The following GALNT13 variants were observed in gnomAD, a reference collection of about 807,000 sequenced individuals.
GALNT13 encodes the protein UDP-GalNAc:polypeptide N-acetylgalactosaminyltransferase 13.
A neutral mutation model predicts 64.2 loss-of-function variants in GALNT13; 28 were observed. The ratio of observed to expected loss-of-function variants is 0.44; its 90% confidence interval spans 0.32 to 0.60. GALNT13 has a LOEUF of 0.60. Ranked by LOEUF, GALNT13 falls within the 20% of genes least tolerant of loss-of-function variation. The pLI is 0.05. For missense variants in GALNT13, 577 were observed against 669.8 expected, an observed-to-expected ratio of 0.86 and a Z score of 1.53; for synonymous variants, 214 against 224.6, an observed-to-expected ratio of 0.95 and a Z score of 0.42.
intron 3 of GALNT13, among the ~76,000 whole-genome samples, chr2:154,075,662 ATTAAAATGTACC>A (rs1468592723): frequency 6.6e-6 from 1 of 151,848 alleles, no homozygotes; most frequent in Non-Finnish European, 1.5e-5. Flanking sequence ...AACTAGAACT[ATTAAAATGTACC>A]TCTAGATTGT....
At chr2:154,068,018 A>G (rs1199317884) in intron 3 of GALNT13, among the ~76,000 whole-genome samples, 1 of 152,088 alleles carries the variant, frequency 6.6e-6, no homozygotes, top group African/African-American at 2.4e-5. Flanking sequence ...TACATAGGAA[A>G]AAATCTAATA....
chr2:153,452,660 G>A, the GALNT13 span, among the ~76,000 whole-genome samples: 2 of 151,618 alleles, frequency 1.3e-5, no homozygotes, highest in African/African-American at 4.9e-5. Flanking sequence ...CCATGCCCAT[G>A]GATTGCAAGA....
the GALNT13 span, among the ~76,000 whole-genome samples, chr2:153,542,357 C>CA: frequency 2.1e-4 from 13 of 62,202 alleles, no homozygotes; most frequent in East Asian, 5.7e-4. Flanking sequence ...CACACACACA[C>CA]ACAAAAAAAA....
At chr2:154,307,718 C>T (rs544056754) in intron 9 of GALNT13, among the ~76,000 whole-genome samples, 28 of 152,186 alleles carry the variant, frequency 1.8e-4, no homozygotes, top group Admixed American at 8.5e-4. Context: ...GCCCTGTAGG[C>T]TGTTAAAGCC....
chr2:153,952,893 C>G (rs1372444507), intron 3 of GALNT13, among the ~76,000 whole-genome samples: 2 of 152,100 alleles, frequency 1.3e-5, no homozygotes, highest in Admixed American at 6.6e-5. Flanking sequence ...GTTCAATGTT[C>G]GAGGGCAGGG....
the GALNT13 span, among the ~76,000 whole-genome samples, chr2:153,248,274 G>A: frequency 6.6e-6 from 1 of 152,054 alleles, no homozygotes; most frequent in African/African-American, 2.4e-5. Context: ...GAAAATTTTA[G>A]GCCAACATCC....
chr2:153,262,988 A>G, the GALNT13 span, among the ~76,000 whole-genome samples: 1 of 152,118 alleles, frequency 6.6e-6, no homozygotes, highest in Non-Finnish European at 1.5e-5. Flanking sequence ...TGGTACTCAA[A>G]TAGGAAGAGA....
the GALNT13 span, among the ~76,000 whole-genome samples, chr2:153,430,927 G>A: frequency 1.1e-4 from 16 of 151,842 alleles, no homozygotes; most frequent in South Asian, 2.1e-4. Context: ...TGAGGTGGGC[G>A]GATCACAAGG....
the GALNT13 span, among the ~76,000 whole-genome samples, chr2:153,337,945 T>C: frequency 6.6e-6 from 1 of 152,236 alleles, no homozygotes; most frequent in African/African-American, 2.4e-5. Context: ...CTGACCATTA[T>C]AAAGTACTTA....
chr2:154,294,979 C>T (rs1484740613), intron 8 of GALNT13, among the ~76,000 whole-genome samples: 2 of 152,110 alleles, frequency 1.3e-5, no homozygotes, highest in African/African-American at 4.8e-5. Context: ...CAGTTGCCAA[C>T]TTGACATATT....
the GALNT13 span, among the ~76,000 whole-genome samples, chr2:153,239,504 T>C: frequency 1.3e-5 from 2 of 152,142 alleles, no homozygotes; most frequent in Non-Finnish European, 2.9e-5. Context: ...GGTATGGTCT[T>C]TCTATTCTTT....
the GALNT13 span, among the ~76,000 whole-genome samples, chr2:153,580,814 C>A: frequency 6.6e-6 from 1 of 152,104 alleles, no homozygotes; most frequent in African/African-American, 2.4e-5. Context: ...GAAGTAATAG[C>A]AGTTGAAGTA....
chr2:154,180,673 A>G (rs1338709752), intron 4 of GALNT13, among the ~76,000 whole-genome samples: 1 of 152,142 alleles, frequency 6.6e-6, no homozygotes, highest in African/African-American at 2.4e-5. Context: ...TTCTTTTTCT[A>G]AATTAAAGTC....
At position 154,043,108 on chromosome 2, in the gene GALNT13, TGAC is replaced by T. The variant is rs1483537548; in HGVS notation, c.143-97228_143-97226del. On this transcript the variant is annotated intron_variant, in intron 3 of 12. Coordinates refer to ENST00000392825, the MANE Select transcript of GALNT13 (RefSeq NM_052917.4). ...ATCATATGCAAAGGCCCTGTGATGA[TGAC>T]AGCAGTAGTCTTTGAAGAAAGTGAA... 1.6e-4 allele frequency among the ~76,000 whole-genome samples: 25 copies of T among 152,148 alleles called. 1 individual carries two copies. The South Asian group carries it at 3.9e-3, about 24-fold the overall frequency.
intron 3 of GALNT13, among the ~76,000 whole-genome samples, chr2:154,106,116 T>A (rs962783150): frequency 3.9e-5 from 6 of 152,194 alleles, no homozygotes; most frequent in African/African-American, 1.4e-4. Context: ...TGCAGTTATG[T>A]CCTCACTGTC....
the GALNT13 span, among the ~76,000 whole-genome samples, chr2:153,167,338 C>A: frequency 6.6e-6 from 1 of 152,176 alleles, no homozygotes; most frequent in African/African-American, 2.4e-5. Context: ...ACTTTGAGAG[C>A]CAGTTTGAGG....
rs146439610 is a variant in GALNT13 at position 154,098,031 on chromosome 2, G to A, written c.143-42306G>A. ...GACCAAACTCTGGAGTCTCCCTTGA[G>A]TTCCCTTCCTAGGAGGCAGTGGTGC... On this transcript the variant is annotated intron_variant, in intron 3 of 12. Transcript: ENST00000392825. Among the ~76,000 whole-genome samples the A allele has an allele frequency of 3.6e-3, 550 of 150,842 alleles. 7 individuals carry two copies. Among genetic ancestry groups the A allele is most frequent in the African/African-American group, 0.013 (528 of 41,136 alleles).
At chr2:153,417,796 T>A in the GALNT13 span, among the ~76,000 whole-genome samples, 1 of 152,106 alleles carries the variant, frequency 6.6e-6, no homozygotes, top group Admixed American at 6.6e-5. Context: ...TGGAGCTCAG[T>A]AGAAAAGTCC....
At chr2:153,764,361 A>G in the GALNT13 span, among the ~76,000 whole-genome samples, 3 of 152,114 alleles carry the variant, frequency 2.0e-5, no homozygotes, top group Admixed American at 2.0e-4. Context: ...ACATGGAGAA[A>G]CCCCATTTCT....
Sources: gnomAD v4.1 joint callset for allele counts (sites outside exome capture counted in the v4.1 genomes callset) on GRCh38, gnomAD v4.1.1 for gene constraint, MANE v1.5 for transcripts, NCBI Gene and HGNC (gene_info 2026-07-23, HGNC 2026-07-21) for gene names.